The following ASIC2 variants were observed in gnomAD, a reference collection of about 807,000 sequenced individuals.
ASIC2 encodes acid sensing ion channel subunit 2, also known as acid-sensing ion channel 2.
In ASIC2, 25 loss-of-function variants were observed where a neutral mutation model predicts 57.3. The observed-to-expected ratio is 0.44, with a 90% CI of 0.32 to 0.61. The LOEUF (loss-of-function observed/expected upper bound fraction) is 0.61, where lower values mean the gene tolerates loss of function less well. Among genes scored for constraint, ASIC2 ranks in the 20% least tolerant of loss-of-function variants. ASIC2 has a pLI of 0.06. For missense variants in ASIC2, 641 were observed against 738.1 expected (o/e 0.87, Z 1.52); for synonymous variants, 319 against 307.5 (o/e 1.04, Z -0.39).
intron 1 of ASIC2, among the ~76,000 whole-genome samples, chr17:33,465,873 T>C (rs1279810899): frequency 1.3e-5 from 2 of 152,226 alleles, no homozygotes; most frequent in Non-Finnish European, 2.9e-5. Flanking sequence ...AAAAGTTCTC[T>C]ACCAGAGTAT....
rs115365171 is a variant in ASIC2 at position 33,555,808 on chromosome 17, G to A, written c.556-443741C>T. ...CTGGACTCCCACAGGCCTTGATTTC[G>A]GGGTTTGAGCCGGTTTAAGTACATT... On this transcript the variant is annotated intron_variant, in intron 1 of 9. Coordinates refer to the ASIC2 transcript ENST00000359872. 4.2e-3 allele frequency among the ~76,000 whole-genome samples: 636 copies of A among 152,210 alleles called. 3 individuals carry two copies. Among genetic ancestry groups the A allele is most frequent in the African/African-American group, 0.015 (611 of 41,530 alleles).
chr17:33,320,343 C>A (rs1906820949), intron 1 of ASIC2, among the ~76,000 whole-genome samples: 1 of 152,162 alleles, frequency 6.6e-6, no homozygotes, highest in Non-Finnish European at 1.5e-5. Flanking sequence ...CAGCCTGAGT[C>A]TTTCAAGCTT....
intron 1 of ASIC2, among the ~76,000 whole-genome samples, chr17:33,924,587 G>C (rs547794300): frequency 6.6e-6 from 1 of 152,284 alleles, no homozygotes; most frequent in African/African-American, 2.4e-5. Context: ...AGATATCTAG[G>C]AACTTGCCTA....
chr17:34,047,619 T>C (rs1028430983), intron 1 of ASIC2, among the ~76,000 whole-genome samples: 1 of 152,114 alleles, frequency 6.6e-6, no homozygotes, highest in South Asian at 2.1e-4. Context: ...TTTGTGGTTC[T>C]TTCCACAAAG....
At chr17:33,025,774 T>C (rs1393219174) in intron 5 of ASIC2, 152 bp downstream of exon 5, 7 of 660,896 alleles carry the variant, frequency 1.1e-5, no homozygotes, top group Non-Finnish European at 1.4e-5. Context: ...CCCTCTCCCA[T>C]CCCTGCAGCA....
chr17:34,072,557 C>T (rs1278533268), intron 1 of ASIC2, among the ~76,000 whole-genome samples: 3 of 152,158 alleles, frequency 2.0e-5, no homozygotes, highest in Non-Finnish European at 2.9e-5. Flanking sequence ...GAAAAATATA[C>T]AAACTAATAA....
At chr17:33,870,077 C>A (rs56182747) in intron 1 of ASIC2, among the ~76,000 whole-genome samples, 1 of 151,974 alleles carries the variant, frequency 6.6e-6, no homozygotes, top group African/African-American at 2.4e-5. Context: ...GGAGCATAGT[C>A]TAGTGATAAA....
chr17:33,044,142 T>C (rs1234246433), intron 3 of ASIC2, among the ~76,000 whole-genome samples: 2 of 152,126 alleles, frequency 1.3e-5, no homozygotes, highest in African/African-American at 4.8e-5. Flanking sequence ...TAGATATGCC[T>C]CTGGAGCTCT....
At chr17:33,151,154 C>T (rs1034339940) in intron 1 of ASIC2, among the ~76,000 whole-genome samples, 7 of 150,604 alleles carry the variant, frequency 4.6e-5, no homozygotes, top group African/African-American at 1.7e-4. Context: ...GGTGAAACCC[C>T]ATCTCTACTA....
At chr17:33,361,435 C>T (rs10512443) in intron 1 of ASIC2, among the ~76,000 whole-genome samples, 17,442 of 152,172 alleles carry the variant, frequency 0.11, 1,163 homozygotes, top group Middle Eastern at 0.19. Flanking sequence ...ACCAAATAGC[C>T]TTATGCACCT....
chr17:33,312,669 T>C (rs1483670129), intron 1 of ASIC2, among the ~76,000 whole-genome samples: 4 of 152,054 alleles, frequency 2.6e-5, no homozygotes, highest in Non-Finnish European at 4.4e-5. Context: ...GTGCGGTGGC[T>C]CATGCCTGTA....
At chr17:33,027,960 A>T (rs1478853370) in intron 4 of ASIC2, among the ~76,000 whole-genome samples, 1 of 152,240 alleles carries the variant, frequency 6.6e-6, no homozygotes, top group Non-Finnish European at 1.5e-5. Context: ...CTGGAAGCTA[A>T]ACTCTCAGAG....
intron 1 of ASIC2, among the ~76,000 whole-genome samples, chr17:33,181,087 G>T (rs1398001192): frequency 1.3e-5 from 2 of 152,164 alleles, no homozygotes; most frequent in African/African-American, 2.4e-5. Context: ...GAGACTTGGT[G>T]ACCGAGATTA....
intron 3 of ASIC2, among the ~76,000 whole-genome samples, chr17:33,065,091 A>T (rs1220491649): frequency 6.6e-6 from 1 of 152,134 alleles, no homozygotes; most frequent in Non-Finnish European, 1.5e-5. Context: ...TATCACACTT[A>T]ATAGGCAGGT....
chr17:34,130,674 G>C (rs1486280230), intron 1 of ASIC2, among the ~76,000 whole-genome samples: 1 of 152,184 alleles, frequency 6.6e-6, no homozygotes, highest in Non-Finnish European at 1.5e-5. Flanking sequence ...ACACCATAAT[G>C]AATCTGTTAG....
intron 1 of ASIC2, among the ~76,000 whole-genome samples, chr17:33,911,236 C>T (rs1223921545): frequency 6.6e-6 from 1 of 152,140 alleles, no homozygotes; most frequent in Non-Finnish European, 1.5e-5. Context: ...GTGTAATCTA[C>T]AAATGAGCGT....
chr17:33,067,989 G>T (rs2092050938), intron 3 of ASIC2, among the ~76,000 whole-genome samples: 2 of 152,114 alleles, frequency 1.3e-5, no homozygotes, highest in South Asian at 4.2e-4. Context: ...GGAGAGAGAG[G>T]GCTCCGGGCA....
At chr17:34,004,667 A>G (rs1033857589) in intron 1 of ASIC2, 3 of 152,166 alleles carry the variant, frequency 2.0e-5, no homozygotes, top group African/African-American at 7.2e-5. Context: ...TAAGAACAAT[A>G]CCTACCACAT....
intron 1 of ASIC2, among the ~76,000 whole-genome samples, chr17:33,503,293 C>T (rs563106831): frequency 1.8e-4 from 28 of 152,268 alleles, no homozygotes; most frequent in Middle Eastern, 6.8e-3. Flanking sequence ...GCTACTTTCT[C>T]TATTTAATAC....
Sources: gnomAD v4.1 joint callset for allele counts (sites outside exome capture counted in the v4.1 genomes callset) on GRCh38, gnomAD v4.1.1 for gene constraint, MANE v1.5 for transcripts, NCBI Gene and HGNC (gene_info 2026-07-23, HGNC 2026-07-21) for gene names.